Variants in DLGAP1 observed in about 807,000 individuals in gnomAD.
DLGAP1 encodes DLG associated protein 1.
Under a neutral mutation model 90.8 loss-of-function variants are expected in DLGAP1, and 11 were observed. That is an observed-to-expected ratio of 0.12 (90% CI 0.08 to 0.20). DLGAP1 has a LOEUF of 0.20. DLGAP1 is among the 10% of genes least tolerant of loss of function. DLGAP1 has a pLI of 1.00. For synonymous variants in DLGAP1, 558 were observed against 540.7 expected (o/e 1.03, Z -0.44); for missense variants, 1,050 against 1,333.8 (o/e 0.79, Z 3.31).
chr18:3,573,072 T>C (rs1012342910), intron 8 of DLGAP1, among the ~76,000 whole-genome samples: 1 of 152,196 alleles, frequency 6.6e-6, no homozygotes, highest in Non-Finnish European at 1.5e-5. Flanking sequence ...TTTAAAAATA[T>C]ATATACACTT....
intron 2 of DLGAP1, among the ~76,000 whole-genome samples, chr18:4,123,369 C>A (rs1036458511): frequency 2.6e-5 from 4 of 152,054 alleles, no homozygotes; most frequent in Non-Finnish European, 5.9e-5. Flanking sequence ...ACAATATACA[C>A]TCTCAGGGCC....
At chr18:4,255,729 T>TAAGTAAC (rs2078875316) in intron 1 of DLGAP1, among the ~76,000 whole-genome samples, 1 of 152,022 alleles carries the variant, frequency 6.6e-6, no homozygotes, top group Non-Finnish European at 1.5e-5. Context: ...TGTTACTACC[T>TAAGTAAC]AAACCTCTAA....
At chr18:3,552,940 G>A (rs917176437) in intron 9 of DLGAP1, among the ~76,000 whole-genome samples, 1 of 148,634 alleles carries the variant, frequency 6.7e-6, no homozygotes, top group African/African-American at 2.4e-5. Context: ...TTCCATATCT[G>A]CTTTCTAGCT....
intron 2 of DLGAP1, among the ~76,000 whole-genome samples, chr18:4,121,595 C>T (rs1331355598): frequency 6.6e-6 from 1 of 151,942 alleles, no homozygotes; most frequent in Non-Finnish European, 1.5e-5. Context: ...AGCCAGAATC[C>T]CCCTTACTCC....
chr18:3,889,912 G>A (rs1003590768), intron 3 of DLGAP1, among the ~76,000 whole-genome samples: 3 of 152,170 alleles, frequency 2.0e-5, no homozygotes, highest in African/African-American at 7.2e-5. Flanking sequence ...GGGAAGAGAG[G>A]AGCCAGTCCA....
At chr18:4,362,956 A>T (rs1478667988) in intron 1 of DLGAP1, among the ~76,000 whole-genome samples, 3 of 152,132 alleles carry the variant, frequency 2.0e-5, no homozygotes, top group Admixed American at 2.0e-4. Flanking sequence ...GGAGAGGAGC[A>T]AGGAAAACCC....
At chr18:3,516,854 T>C (rs2050874109) in intron 10 of DLGAP1, among the ~76,000 whole-genome samples, 1 of 152,228 alleles carries the variant, frequency 6.6e-6, no homozygotes, top group Non-Finnish European at 1.5e-5. Context: ...ATGGGAATTA[T>C]GGAGGCTACA....
chr18:3,569,569 T>C (rs1358893651), intron 8 of DLGAP1, among the ~76,000 whole-genome samples: 1 of 151,972 alleles, frequency 6.6e-6, no homozygotes, highest in Admixed American at 6.6e-5. Context: ...TCTGAGCATA[T>C]TTTTAAAAGT....
intron 5 of DLGAP1, among the ~76,000 whole-genome samples, chr18:3,783,411 TGATG>T (rs1157449433): frequency 6.6e-6 from 1 of 152,134 alleles, no homozygotes; most frequent in Non-Finnish European, 1.5e-5. Flanking sequence ...GTTCATCAAC[TGATG>T]GATGAATAAA....
chr18:4,083,865 C>T (rs1313331968), intron 2 of DLGAP1, among the ~76,000 whole-genome samples: 2 of 152,066 alleles, frequency 1.3e-5, no homozygotes, highest in African/African-American at 4.8e-5. Flanking sequence ...TCAGCTTGGC[C>T]GTCAGCAGGT....
chr18:3,749,246 T>A (rs2147787394), intron 5 of DLGAP1, among the ~76,000 whole-genome samples: 1 of 150,850 alleles, frequency 6.6e-6, no homozygotes, highest in Non-Finnish European at 1.5e-5. Context: ...GCTTCCTGGG[T>A]TAAAGTGATT....
In DLGAP1 at chr18:4,010,155, T is replaced by C. The variant is rs571741343; in HGVS notation, c.-158-4954A>G. ...ATTGAGATAAAAGTTTGTAATCAGA[T>C]GATTCTTAATCTGATGTTACTTTGA... On this transcript the variant is annotated intron_variant, in intron 2 of 12. Coordinates refer to ENST00000315677, the MANE Select transcript of DLGAP1 (RefSeq NM_004746.4). Among the ~76,000 whole-genome samples, 7 of 152,356 alleles carry C rather than the reference T, an allele frequency of 4.6e-5. No homozygotes were observed. The South Asian group carries it at 1.4e-3, about 32-fold the overall frequency.
At chr18:3,853,416 T>G (rs2069452710) in intron 4 of DLGAP1, among the ~76,000 whole-genome samples, 1 of 152,108 alleles carries the variant, frequency 6.6e-6, no homozygotes, top group African/African-American at 2.4e-5. Flanking sequence ...ATACCATATT[T>G]GTATCTTTTC....
At chr18:3,996,968 A>G (rs1282366591) in intron 3 of DLGAP1, among the ~76,000 whole-genome samples, 1 of 151,882 alleles carries the variant, frequency 6.6e-6, no homozygotes, top group Non-Finnish European at 1.5e-5. Flanking sequence ...TCATGTTTAT[A>G]AATTTTTAGT....
chr18:3,761,557 C>T (rs1335725123), intron 5 of DLGAP1, among the ~76,000 whole-genome samples: 1 of 151,514 alleles, frequency 6.6e-6, no homozygotes, highest in Non-Finnish European at 1.5e-5. Context: ...GTATCTGTTT[C>T]AGTCCCTTCT....
chr18:3,773,106 AT>A (rs1172261021), intron 5 of DLGAP1, among the ~76,000 whole-genome samples: 1 of 151,420 alleles, frequency 6.6e-6, no homozygotes, highest in East Asian at 1.9e-4. Context: ...GGACTTAAAA[AT>A]TTTTTTTTAT....
At chr18:4,203,147 T>C (rs1167538103) in intron 1 of DLGAP1, among the ~76,000 whole-genome samples, 1 of 151,652 alleles carries the variant, frequency 6.6e-6, no homozygotes, top group African/African-American at 2.4e-5. Flanking sequence ...TGGTGGCGGG[T>C]GCCTGTAGTC....
chr18:3,683,015 C>T (rs2060575944), intron 7 of DLGAP1, among the ~76,000 whole-genome samples: 1 of 152,018 alleles, frequency 6.6e-6, no homozygotes, highest in African/African-American at 2.4e-5. Flanking sequence ...TGCCCTCACG[C>T]CTGGCTAACT....
intron 5 of DLGAP1, among the ~76,000 whole-genome samples, chr18:3,812,196 T>C (rs2066878222): frequency 6.6e-6 from 1 of 152,112 alleles, no homozygotes; most frequent in African/African-American, 2.4e-5. Flanking sequence ...AGTGGAGAGA[T>C]ATTTTAAGGT....
Sources: allele counts gnomAD v4.1 joint callset (sites outside exome capture counted in the v4.1 genomes callset), GRCh38; gene constraint gnomAD v4.1.1; transcripts MANE v1.5; gene names NCBI Gene and HGNC (gene_info 2026-07-23, HGNC 2026-07-21).